Variants in SLC24A3 observed in about 807,000 individuals in gnomAD.
SLC24A3 encodes sodium/potassium/calcium exchanger 3.
A neutral mutation model predicts 75.8 loss-of-function variants in SLC24A3; 28 were observed. The observed-to-expected ratio is 0.37, with a 90% CI of 0.27 to 0.51. The LOEUF is 0.51. SLC24A3 is among the 20% of genes least tolerant of loss of function. The pLI, the probability that SLC24A3 is intolerant of heterozygous loss-of-function variation, is 0.94. For missense variants in SLC24A3, 663 were observed against 847.8 expected (o/e 0.78, Z 2.71); for synonymous variants, 372 against 334.1 (o/e 1.11, Z -1.24).
In SLC24A3 at chr20:19,637,470, A is replaced by G. The variant is rs570777034; in HGVS notation, c.613-16592A>G. 3.3e-5 allele frequency among the ~76,000 whole-genome samples: 5 copies of G among 152,354 alleles called. No homozygotes were observed. The East Asian group carries it at 7.7e-4, about 23-fold the overall frequency. On this transcript the variant is annotated intron_variant, in intron 6 of 16. Transcript: ENST00000328041. ...TGTTTCAGATAACAGGTTCTGTTTT[A>G]TCTTAACATAAGAACATAATCTTTT...
intron 3 of SLC24A3, among the ~76,000 whole-genome samples, chr20:19,562,116 C>G (rs2030883630): frequency 6.6e-6 from 1 of 152,134 alleles, no homozygotes; most frequent in African/African-American, 2.4e-5. Context: ...CCATTTGTGA[C>G]TCTGCTTCTT....
At chr20:19,299,242 C>T (rs575307842) in intron 2 of SLC24A3, among the ~76,000 whole-genome samples, 6 of 147,390 alleles carry the variant, frequency 4.1e-5, no homozygotes, top group Non-Finnish European at 7.4e-5. Context: ...TGCTAAGTCC[C>T]GGCACTCAAC....
intron 1 of SLC24A3, among the ~76,000 whole-genome samples, chr20:19,262,877 T>G (rs1371225482): frequency 4.6e-5 from 7 of 151,892 alleles, no homozygotes; most frequent in South Asian, 4.1e-4. Context: ...CTGACAAAGC[T>G]GCGTGTGTCC....
chr20:19,698,467 T>G (rs1437897972), intron 14 of SLC24A3, 101 bp from the exon 15 acceptor site: 1 of 739,840 alleles, frequency 1.4e-6, no homozygotes, highest in Admixed American at 2.3e-5. Flanking sequence ...TATGTGAGCT[T>G]GCAGAACCAC....
intron 2 of SLC24A3, among the ~76,000 whole-genome samples, chr20:19,428,861 A>C (rs1987055958): frequency 6.6e-6 from 1 of 152,192 alleles, no homozygotes; most frequent in African/African-American, 2.4e-5. Context: ...GCAGTCTACA[A>C]ACATAAACTG....
intron 3 of SLC24A3, among the ~76,000 whole-genome samples, chr20:19,553,834 A>G (rs766519065): frequency 3.9e-5 from 6 of 152,196 alleles, no homozygotes; most frequent in Non-Finnish European, 7.3e-5. Flanking sequence ...GCAAAAAAAG[A>G]CGGAGCGTAT....
intron 6 of SLC24A3, among the ~76,000 whole-genome samples, chr20:19,617,859 C>T (rs1041604866): frequency 1.3e-5 from 2 of 152,158 alleles, no homozygotes; most frequent in Non-Finnish European, 2.9e-5. Context: ...CGGCATGTTA[C>T]ATAATGAAAA....
At chr20:19,467,053 C>T (rs559928563) in intron 2 of SLC24A3, among the ~76,000 whole-genome samples, 4 of 152,198 alleles carry the variant, frequency 2.6e-5, no homozygotes, top group Middle Eastern at 3.4e-3. Flanking sequence ...AAGAATAAGC[C>T]GGGCAATCGG....
chr20:19,591,989 A>C (rs2031384881), intron 6 of SLC24A3, among the ~76,000 whole-genome samples: 1 of 152,204 alleles, frequency 6.6e-6, no homozygotes, highest in South Asian at 2.1e-4. Context: ...GAGTGGGATT[A>C]CTGGGTTGTG....
At chr20:19,623,867 G>A (rs2031835401) in intron 6 of SLC24A3, among the ~76,000 whole-genome samples, 1 of 152,140 alleles carries the variant, frequency 6.6e-6, no homozygotes, top group South Asian at 2.1e-4. Context: ...GATACCAGGT[G>A]GACTAAGCTA....
intron 2 of SLC24A3, among the ~76,000 whole-genome samples, chr20:19,446,766 T>C (rs913859133): frequency 6.6e-6 from 1 of 152,256 alleles, no homozygotes; most frequent in Admixed American, 6.5e-5. Context: ...GGTGAGGTCC[T>C]GTTCAGCTCT....
At chr20:19,222,328 T>C (rs1981737374) in intron 1 of SLC24A3, among the ~76,000 whole-genome samples, 1 of 152,230 alleles carries the variant, frequency 6.6e-6, no homozygotes, top group African/African-American at 2.4e-5. Context: ...TTTCTTCAGA[T>C]GTCAGGGGAT....
chr20:19,656,153 G>A lies in SLC24A3; in HGVS notation c.687+2017G>A, dbSNP rs747163963. On this transcript the variant is annotated intron_variant, in intron 7 of 16. Transcript: ENST00000328041. ...AGGGTTGACGTGAGATTTTCCCTGC[G>A]GAACCAGACAGGTACTTCAGTGACC... 5.9e-5 allele frequency among the ~76,000 whole-genome samples: 9 copies of A among 152,080 alleles called. No individual in the cohort carries two copies. In the South Asian group the frequency reaches 6.2e-4, roughly 11 times the overall value.
chr20:19,268,647 T>A (rs532039327), intron 1 of SLC24A3, among the ~76,000 whole-genome samples: 5 of 152,356 alleles, frequency 3.3e-5, no homozygotes, highest in Middle Eastern at 3.4e-3. Flanking sequence ...TCTGCTATCA[T>A]AAGTCCATGT....
intron 1 of SLC24A3, among the ~76,000 whole-genome samples, chr20:19,260,856 C>A (rs1041438967): frequency 6.6e-6 from 1 of 152,220 alleles, no homozygotes; most frequent in Non-Finnish European, 1.5e-5. Flanking sequence ...TGGACCGACA[C>A]GCTCCTCTTA....
At chr20:19,573,508 G>T (rs1429128631) in intron 3 of SLC24A3, among the ~76,000 whole-genome samples, 1 of 152,212 alleles carries the variant, frequency 6.6e-6, no homozygotes, top group Non-Finnish European at 1.5e-5. Flanking sequence ...ATGGCTTCAA[G>T]TACAGAGCCC....
chr20:19,498,061 A>G (rs1988323150), intron 2 of SLC24A3, among the ~76,000 whole-genome samples: 1 of 152,062 alleles, frequency 6.6e-6, no homozygotes, highest in Non-Finnish European at 1.5e-5. Flanking sequence ...TCGTAGGAGC[A>G]TGAACCTTGT....
At chr20:19,716,485 C>G (rs1382654985) in intron 15 of SLC24A3, among the ~76,000 whole-genome samples, 1 of 151,640 alleles carries the variant, frequency 6.6e-6, no homozygotes, top group Non-Finnish European at 1.5e-5. Flanking sequence ...CTAATGGCTA[C>G]CATGTTGGAG....
At chr20:19,660,498 A>G (rs2032314966) in intron 7 of SLC24A3, among the ~76,000 whole-genome samples, 2 of 152,218 alleles carry the variant, frequency 1.3e-5, no homozygotes, top group South Asian at 2.1e-4. Flanking sequence ...GTAGTATTCC[A>G]TGGTGTATAT....
Sources: gnomAD v4.1 joint callset for allele counts (sites outside exome capture counted in the v4.1 genomes callset) on GRCh38, gnomAD v4.1.1 for gene constraint, MANE v1.5 for transcripts, NCBI Gene and HGNC (gene_info 2026-07-23, HGNC 2026-07-21) for gene names.